Variants in NEGR1 observed in about 807,000 individuals in gnomAD.
The protein encoded by NEGR1 is neuronal growth regulator 1, also known as IgLON family member 4.
A neutral mutation model predicts 40.9 loss-of-function variants in NEGR1; 10 were observed. The observed-to-expected ratio is 0.24, with a 90% CI of 0.15 to 0.42. The LOEUF is 0.42. Ranked by LOEUF, NEGR1 falls within the 10% of genes least tolerant of loss-of-function variation. The probability of loss-of-function intolerance (pLI) is 1.00; values close to 1 mark genes in which losing one functional copy is unlikely to be tolerated. For missense variants in NEGR1, 352 were observed against 438.9 expected (o/e 0.80, Z 1.77); for synonymous variants, 185 against 166.8 (o/e 1.11, Z -0.84).
intron 1 of NEGR1, among the ~76,000 whole-genome samples, chr1:72,237,693 T>A (rs1654602822): frequency 6.6e-6 from 1 of 152,030 alleles, no homozygotes; most frequent in Non-Finnish European, 1.5e-5. Context: ...AACTAAAAGT[T>A]GGATAACAAA....
chr1:71,974,771 T>C (rs1646287345), intron 1 of NEGR1, among the ~76,000 whole-genome samples: 1 of 152,204 alleles, frequency 6.6e-6, no homozygotes. Context: ...AACTCTTGTC[T>C]ATTCCATAAA....
intron 1 of NEGR1, among the ~76,000 whole-genome samples, chr1:72,097,056 TA>T (rs1241438816): frequency 6.6e-6 from 1 of 152,166 alleles, no homozygotes; most frequent in Non-Finnish European, 1.5e-5. Flanking sequence ...GCAGGCAAAA[TA>T]AAATTTTATA....
chr1:71,843,808 A>T (rs1365238239), intron 2 of NEGR1, among the ~76,000 whole-genome samples: 1 of 152,166 alleles, frequency 6.6e-6, no homozygotes, highest in Non-Finnish European at 1.5e-5. Context: ...TTAAAAAGGC[A>T]TGAGATTCAT....
chr1:71,489,047 T>A (rs1180462065), intron 6 of NEGR1, among the ~76,000 whole-genome samples: 1 of 151,792 alleles, frequency 6.6e-6, no homozygotes, highest in Non-Finnish European at 1.5e-5. Flanking sequence ...CATATGCTCA[T>A]AAACATAGCC....
intron 1 of NEGR1, among the ~76,000 whole-genome samples, chr1:72,223,121 A>G (rs1387430675): frequency 3.3e-5 from 5 of 152,182 alleles, no homozygotes; most frequent in Admixed American, 3.3e-4. Flanking sequence ...CAGTGGGCAA[A>G]TAATTCTAGC....
intron 2 of NEGR1, among the ~76,000 whole-genome samples, chr1:71,836,497 T>C (rs1359503653): frequency 6.7e-6 from 1 of 149,958 alleles, no homozygotes; most frequent in African/African-American, 2.4e-5. Context: ...TATATATATA[T>C]ATGAAGTCGG....
At chr1:72,080,291 A>G (rs11209907) in intron 1 of NEGR1, among the ~76,000 whole-genome samples, 35 of 152,238 alleles carry the variant, frequency 2.3e-4, no homozygotes, top group African/African-American at 8.2e-4. Context: ...TTTTGAATAT[A>G]TTAAGCATTT....
At chr1:72,078,860 G>A (rs1172876531) in intron 1 of NEGR1, among the ~76,000 whole-genome samples, 1 of 150,320 alleles carries the variant, frequency 6.7e-6, no homozygotes, top group Non-Finnish European at 1.5e-5. Flanking sequence ...GGCTAGTCTT[G>A]AACTCCTGAC....
intron 4 of NEGR1, among the ~76,000 whole-genome samples, chr1:71,619,460 G>T (rs1221704288): frequency 1.3e-5 from 2 of 152,190 alleles, no homozygotes; most frequent in East Asian, 3.9e-4. Flanking sequence ...ATAGCCTTGT[G>T]TTCTTCTTAG....
chr1:72,083,770 T>G (rs773351339), intron 1 of NEGR1, among the ~76,000 whole-genome samples: 2 of 152,078 alleles, frequency 1.3e-5, no homozygotes, highest in Non-Finnish European at 2.9e-5. Flanking sequence ...CACAGCAAAA[T>G]GGAGTGGAAA....
intron 6 of NEGR1, chr1:71,476,896 C>T (rs1646825032): frequency 1.3e-5 from 2 of 152,048 alleles, no homozygotes; most frequent in African/African-American, 4.8e-5. Flanking sequence ...CAACAGATTT[C>T]AATTTCTGTG....
intron 6 of NEGR1, among the ~76,000 whole-genome samples, chr1:71,523,139 A>C (rs1330394919): frequency 6.6e-6 from 1 of 151,940 alleles, no homozygotes; most frequent in Non-Finnish European, 1.5e-5. Context: ...CCTCCCTGAT[A>C]ATCTTCTTGG....
At chr1:71,481,067 T>C (rs2101371887) in intron 6 of NEGR1, among the ~76,000 whole-genome samples, 1 of 152,084 alleles carries the variant, frequency 6.6e-6, no homozygotes, top group South Asian at 2.1e-4. Context: ...GCTTATTTCA[T>C]ATAATGATTT....
At chr1:71,988,487 C>T (rs1038998345) in intron 1 of NEGR1, among the ~76,000 whole-genome samples, 17 of 131,430 alleles carry the variant, frequency 1.3e-4, no homozygotes, top group South Asian at 7.4e-4. Context: ...TGCAGTGAGC[C>T]GAGATTGCGC....
intron 2 of NEGR1, among the ~76,000 whole-genome samples, chr1:71,879,603 T>C (rs1660526967): frequency 6.6e-6 from 1 of 152,142 alleles, no homozygotes; most frequent in Admixed American, 6.6e-5. Context: ...TGTTAAGACC[T>C]CTAAACATGC....
intron 1 of NEGR1, among the ~76,000 whole-genome samples, chr1:71,986,918 C>A (rs181395567): frequency 1.2e-4 from 19 of 152,264 alleles, no homozygotes; most frequent in African/African-American, 2.2e-4. Flanking sequence ...AACTGTAGAA[C>A]CTACAGGTCA....
chr1:71,659,902 T>C (rs1652001109), intron 4 of NEGR1, among the ~76,000 whole-genome samples: 1 of 152,180 alleles, frequency 6.6e-6, no homozygotes, highest in African/African-American at 2.4e-5. Context: ...TCAACCATTG[T>C]GGAAAGCAGT....
intron 2 of NEGR1, among the ~76,000 whole-genome samples, chr1:71,878,223 A>T (rs1010261403): frequency 6.6e-6 from 1 of 152,184 alleles, no homozygotes; most frequent in African/African-American, 2.4e-5. Flanking sequence ...TTATTACAAC[A>T]TACCTGTATA....
rs1219162300 is a variant in NEGR1, at chr1:72,143,918, T to TAC, written c.176+138400_176+138401insGT. Among the ~76,000 whole-genome samples, 196 of 66,162 alleles carry TAC rather than the reference T, an allele frequency of 3.0e-3. 1 individual carries two copies. The highest frequency in any genetic ancestry group is 0.012 in the African/African-American group (190 of 15,622). 43.4% of individuals were successfully genotyped at this position (66,162 alleles called of 152,430 possible). ...TATTATATATATGATATATATAATA[T>TAC]ATATATATATATATATATATATTCA... On this transcript the variant is annotated intron_variant, in intron 1 of 6. Transcript: ENST00000357731.
Sources: allele counts gnomAD v4.1 joint callset (sites outside exome capture counted in the v4.1 genomes callset), GRCh38; gene constraint gnomAD v4.1.1; transcripts MANE v1.5; gene names NCBI Gene and HGNC (gene_info 2026-07-23, HGNC 2026-07-21).